The following SNX14 variants were observed in gnomAD, a reference collection of about 807,000 sequenced individuals.
SNX14 encodes the protein sorting nexin 14, also known as sorting nexin-14.
Under a neutral mutation model 133.8 loss-of-function variants are expected in SNX14, and 93 were observed. That is an observed-to-expected ratio of 0.70 (90% CI 0.59 to 0.83). The LOEUF (loss-of-function observed/expected upper bound fraction) is 0.83. Ranked by LOEUF, SNX14 falls within the 40% of genes least tolerant of loss-of-function variation. The pLI is 0.00. For missense variants in SNX14, 945 were observed against 1,094.9 expected (o/e 0.86, Z 1.93); for synonymous variants, 368 against 365.6 (o/e 1.01, Z -0.07).
chr6:85,567,944 CTG>C (rs1794407967), intron 4 of SNX14: 2 of 161,594 alleles, frequency 1.2e-5, no homozygotes, highest in South Asian at 3.5e-4. Context: ...GATGTTGCCA[CTG>C]TACACCAGCC....
chr6:85,512,075 A>T (rs2127781624), intron 26 of SNX14, among the ~76,000 whole-genome samples: 1 of 152,224 alleles, frequency 6.6e-6, no homozygotes, highest in South Asian at 2.1e-4. Context: ...GCTAGAGTGT[A>T]TTGGAGTTGG....
Position 85,508,075 on chromosome 6 carries a change from A to T in SNX14, c.2654-16T>A, listed in dbSNP as rs1192029462. 6.2e-7 allele frequency: 1 copy of T among 1,609,044 alleles called. No homozygotes were observed. The highest frequency in any genetic ancestry group is 8.5e-7 in the Non-Finnish European group (1 of 1,177,590). ...ACTAACAGATCTAAACAAAAAGGCCAAATGTGAAATAATTTTATATTATAA... is the reference window on the plus strand; with the variant it reads ...ACTAACAGATCTAAACAAAAAGGCCTAATGTGAAATAATTTTATATTATAA... On this transcript the variant is annotated splice_polypyrimidine_tract_variant and intron_variant, in intron 26 of 28. Coordinates refer to ENST00000314673, the MANE Select transcript of SNX14 (RefSeq NM_153816.6).
intron 23 of SNX14, among the ~76,000 whole-genome samples, chr6:85,516,812 A>G (rs1423591584): frequency 6.6e-6 from 1 of 151,804 alleles, no homozygotes; most frequent in East Asian, 1.9e-4. Context: ...TAATTTTTGT[A>G]TTTTCAGTAG....
intron 6 of SNX14, among the ~76,000 whole-genome samples, chr6:85,563,238 GAGATATTATATATTAA>G (rs1354395391): frequency 3.3e-5 from 5 of 151,996 alleles, no homozygotes; most frequent in Non-Finnish European, 1.5e-5. Flanking sequence ...ACTAGTGGCA[GAGATATTATATATTAA>G]TAAATTCTCA....
chr6:85,556,550 A>C (rs1789871888), intron 7 of SNX14, among the ~76,000 whole-genome samples: 1 of 148,488 alleles, frequency 6.7e-6, no homozygotes, highest in African/African-American at 2.5e-5. Context: ...TGCCCACCAC[A>C]ACCTCCGCCT....
At chr6:85,590,451 T>C (rs1802437081) in intron 1 of SNX14, among the ~76,000 whole-genome samples, 1 of 152,192 alleles carries the variant, frequency 6.6e-6, no homozygotes, top group Admixed American at 6.5e-5. Context: ...TTAATAAACT[T>C]GCTTTTACAA....
chr6:85,553,974 A>G (rs1788771941), intron 7 of SNX14, among the ~76,000 whole-genome samples: 1 of 152,178 alleles, frequency 6.6e-6, no homozygotes, highest in Non-Finnish European at 1.5e-5. Context: ...CAAGGTGATA[A>G]GAAATTAAAG....
rs868439216 is a variant in SNX14 at position 85,515,278 on chromosome 6, A to C, written c.2269-649T>G. ...CAAGACCGTCAAAAAAAAAAAAAAAAAAAAAAAAACACTAACATGATTTAA... is the reference window on the plus strand; with the variant it reads ...CAAGACCGTCAAAAAAAAAAAAAAACAAAAAAAAACACTAACATGATTTAA... On this transcript the variant is annotated intron_variant, in intron 23 of 28. Transcript: ENST00000314673. Among the ~76,000 whole-genome samples the C allele has an allele frequency of 8.9e-3, 1,342 of 151,296 alleles. 24 individuals carry two copies. The highest frequency in any genetic ancestry group is 0.03 in the African/African-American group (1,227 of 41,220).
chr6:85,586,240 C>T (rs183936297), intron 1 of SNX14, among the ~76,000 whole-genome samples: 4 of 152,192 alleles, frequency 2.6e-5, no homozygotes, highest in Middle Eastern at 3.4e-3. Flanking sequence ...TTTTTGTATG[C>T]CCCTCATACT....
At chr6:85,514,010 G>C in intron 25 of SNX14, 60 bp downstream of exon 25, 1 of 1,566,526 alleles carries the variant, frequency 6.4e-7, no homozygotes, top group Non-Finnish European at 8.6e-7. Context: ...TTCCTCTTTA[G>C]ATTCAATTAA....
chr6:85,526,094 T>C (rs890827199), intron 21 of SNX14, 32 bp downstream of exon 21: 1 of 1,356,300 alleles, frequency 7.4e-7, no homozygotes, highest in Admixed American at 2.2e-5. Flanking sequence ...TTTCAGCTTA[T>C]TATCTTATAA....
chr6:85,511,892 G>A (rs910106564), intron 26 of SNX14, among the ~76,000 whole-genome samples: 2 of 152,180 alleles, frequency 1.3e-5, no homozygotes, highest in African/African-American at 4.8e-5. Context: ...CACAAGTTAA[G>A]AGGAACTGCT....
At chr6:85,523,488 T>C (rs1257815116) in intron 21 of SNX14, among the ~76,000 whole-genome samples, 1 of 152,140 alleles carries the variant, frequency 6.6e-6, no homozygotes, top group Non-Finnish European at 1.5e-5. Flanking sequence ...TAAAAACATG[T>C]GTAAGGCAGG....
chr6:85,543,102 G>T, intron 14 of SNX14, 80 bp downstream of exon 14: 1 of 1,245,612 alleles, frequency 8.0e-7, no homozygotes, highest in Non-Finnish European at 1.1e-6. Flanking sequence ...TTTGTTATTT[G>T]AATCACTCAT....
chr6:85,517,954 T>G, intron 22 of SNX14, 54 bp downstream of exon 22: 3 of 1,574,514 alleles, frequency 1.9e-6, no homozygotes, highest in Non-Finnish European at 2.6e-6. Flanking sequence ...TTATCAATAT[T>G]TAAATATGTT....
chr6:85,575,260 T>C (rs1796943425), intron 1 of SNX14, among the ~76,000 whole-genome samples: 2 of 152,238 alleles, frequency 1.3e-5, no homozygotes, highest in South Asian at 4.1e-4. Context: ...ATGATTGTGC[T>C]AAATAACACC....
chr6:85,572,114 A>T, intron 4 of SNX14, 23 bp downstream of exon 4: 3 of 1,578,564 alleles, frequency 1.9e-6, no homozygotes, highest in Non-Finnish European at 2.6e-6. Context: ...TTTTCTGTTA[A>T]TAATATTAAT....
chr6:85,506,674 G>A lies in SNX14; in HGVS notation c.2802+559C>T, dbSNP rs181446646. On this transcript the variant is annotated intron_variant, in intron 28 of 28. Coordinates refer to ENST00000314673, the MANE Select transcript of SNX14 (RefSeq NM_153816.6). The stretch of plus-strand genomic sequence containing the variant: ...ATCTGGTTTCCTCTACTCTACAAAA[G>A]TCACACTTCATTTCAATACCACAGC... Among the ~76,000 whole-genome samples the A allele has an allele frequency of 4.0e-3, 611 of 152,266 alleles. 1 individual carries two copies. The highest frequency in any genetic ancestry group is 8.0e-3 in the Admixed American group (123 of 15,292).
chr6:85,518,385 C>G (rs1456820992), intron 21 of SNX14, among the ~76,000 whole-genome samples: 1 of 151,932 alleles, frequency 6.6e-6, no homozygotes, highest in African/African-American at 2.4e-5. Flanking sequence ...GAAATATTTT[C>G]AAAGGGTTTT....
Sources: gnomAD v4.1 joint callset for allele counts (sites outside exome capture counted in the v4.1 genomes callset) on GRCh38, gnomAD v4.1.1 for gene constraint, MANE v1.5 for transcripts, NCBI Gene and HGNC (gene_info 2026-07-23, HGNC 2026-07-21) for gene names.